Variants in PLAC8 observed in about 807,000 individuals in gnomAD.
PLAC8 encodes the protein placenta-specific gene 8 protein.
In PLAC8, 6 loss-of-function variants were observed where a neutral mutation model predicts 12.6. That is an observed-to-expected ratio of 0.48 (90% CI 0.26 to 0.94). PLAC8 has a LOEUF of 0.94. PLAC8 is among the 40% of genes least tolerant of loss of function. PLAC8 has a pLI of 0.14. For synonymous variants in PLAC8, 54 were observed against 52.6 expected (o/e 1.03, Z -0.11); for missense variants, 122 against 152.7 (o/e 0.80, Z 1.06).
At chr4:83,092,271 GTATT>G (rs751475288) in intron 4 of PLAC8, among the ~76,000 whole-genome samples, 2 of 152,072 alleles carry the variant, frequency 1.3e-5, no homozygotes, top group South Asian at 2.1e-4. Context: ...ATTGTTTCAT[GTATT>G]TATTTAAGTA....
chr4:83,111,342 G>A (rs1460493473), intron 1 of PLAC8, among the ~76,000 whole-genome samples: 1 of 151,874 alleles, frequency 6.6e-6, no homozygotes. Flanking sequence ...GAAACAAAAA[G>A]CAAATCCAGT....
chr4:83,099,777 C>T (rs1352582106), intron 3 of PLAC8, among the ~76,000 whole-genome samples: 1 of 150,628 alleles, frequency 6.6e-6, no homozygotes, highest in Non-Finnish European at 1.5e-5. Flanking sequence ...GCAGGCGGAT[C>T]ACAGGGTCAA....
intron 1 of PLAC8, among the ~76,000 whole-genome samples, chr4:83,108,404 C>T (rs6817600): frequency 0.35 from 53,340 of 151,872 alleles, 9,783 homozygotes; most frequent in Middle Eastern, 0.43. Context: ...ACCAGCCTGG[C>T]CAGTATGGCG....
intron 3 of PLAC8, among the ~76,000 whole-genome samples, chr4:83,103,724 G>A (rs1176101541): frequency 1.3e-5 from 2 of 152,120 alleles, no homozygotes; most frequent in East Asian, 1.9e-4. Flanking sequence ...AGGCTGGAGT[G>A]CTGAGGCGCA....
intron 1 of PLAC8, among the ~76,000 whole-genome samples, chr4:83,108,706 A>G (rs1325595039): frequency 6.6e-6 from 1 of 152,208 alleles, no homozygotes; most frequent in African/African-American, 2.4e-5. Flanking sequence ...GTTTTTAGAC[A>G]GGTACCTGGT....
intron 3 of PLAC8, among the ~76,000 whole-genome samples, chr4:83,101,246 G>C (rs571783472): frequency 6.6e-6 from 1 of 152,162 alleles, no homozygotes; most frequent in Admixed American, 6.6e-5. Flanking sequence ...TGGGTGTGGC[G>C]GCACGGGCCT....
rs551484007 is a variant in PLAC8 at position 83,106,817 on chromosome 4, C to T, written c.118+987G>A. Among the ~76,000 whole-genome samples, 4 of 152,288 alleles carry T rather than the reference C, an allele frequency of 2.6e-5. No homozygotes were observed. The South Asian group carries it at 6.2e-4, about 24-fold the overall frequency. ...ATTGAGAACTAAGCACCTTGCTCCT[C>T]GCTGCAACGCCCATCACACCCCAAA... On this transcript the variant is annotated intron_variant, in intron 2 of 4. Transcript: ENST00000311507.
chr4:83,094,365 T>C (rs1265359053), intron 4 of PLAC8: 5 of 200,784 alleles, frequency 2.5e-5, no homozygotes, highest in Non-Finnish European at 3.0e-5. Context: ...AGGGAACATG[T>C]TTTCTAATTC....
intron 3 of PLAC8, among the ~76,000 whole-genome samples, chr4:83,096,304 C>G (rs778463417): frequency 1.3e-5 from 2 of 152,124 alleles, no homozygotes; most frequent in Non-Finnish European, 2.9e-5. Context: ...ACCTCAGCCT[C>G]CTGAAAAAGA....
At chr4:83,102,368 A>G (rs1266464476) in intron 3 of PLAC8, among the ~76,000 whole-genome samples, 1 of 152,048 alleles carries the variant, frequency 6.6e-6, no homozygotes, top group Non-Finnish European at 1.5e-5. Flanking sequence ...ACCCATCTCT[A>G]CCAAAAAATA....
At chr4:83,092,760 T>C (rs1254137934) in intron 4 of PLAC8, 1 of 152,062 alleles carries the variant, frequency 6.6e-6, no homozygotes, top group African/African-American at 2.4e-5. Flanking sequence ...TCTAGTTTCA[T>C]TAATATTGCT....
chr4:83,104,805 G>T, intron 3 of PLAC8, 91 bp downstream of exon 3: 1 of 1,362,830 alleles, frequency 7.3e-7, no homozygotes, highest in Non-Finnish European at 1.0e-6. Context: ...ATCAATTTCA[G>T]AAGATGTATA....
chr4:83,107,615 G>A (rs539431126), intron 2 of PLAC8, among the ~76,000 whole-genome samples, 189 bp downstream of exon 2: 30 of 64,162 alleles, frequency 4.7e-4, no homozygotes, highest in African/African-American at 5.5e-4. Context: ...TTATCCATAC[G>A]GAGGCTTTTT....
intron 2 of PLAC8, among the ~76,000 whole-genome samples, chr4:83,107,210 C>CAAAAAAAAAAACA (rs1732265501): frequency 9.2e-6 from 1 of 108,380 alleles, no homozygotes; most frequent in Non-Finnish European, 2.0e-5. Context: ...CAAAAACAAA[C>CAAAAAAAAAAACA]AAAAAAAAAA....
intron 3 of PLAC8, among the ~76,000 whole-genome samples, chr4:83,095,677 A>T (rs902912833): frequency 2.0e-5 from 3 of 152,226 alleles, no homozygotes; most frequent in Non-Finnish European, 4.4e-5. Context: ...AATGCCTCTA[A>T]CTAAAAGTCA....
At chr4:83,093,681 T>C (rs1235071091) in intron 4 of PLAC8, 7 of 152,214 alleles carry the variant, frequency 4.6e-5, no homozygotes, top group Admixed American at 4.6e-4. Context: ...GCTTTGTCTA[T>C]AGGCATTAAT....
At chr4:83,113,610 A>G (rs1732471447) in intron 1 of PLAC8, among the ~76,000 whole-genome samples, 1 of 152,184 alleles carries the variant, frequency 6.6e-6, no homozygotes, top group Non-Finnish European at 1.5e-5. Context: ...GTGTGACCAC[A>G]CAGCTGTTTT....
intron 3 of PLAC8, among the ~76,000 whole-genome samples, chr4:83,101,748 A>G (rs1732107006): frequency 6.6e-6 from 1 of 152,242 alleles, no homozygotes; most frequent in Admixed American, 6.5e-5. Flanking sequence ...GTTGAAGCCA[A>G]TGCTCATTTA....
At chr4:83,109,160 T>A (rs1732341114) in intron 1 of PLAC8, among the ~76,000 whole-genome samples, 1 of 152,246 alleles carries the variant, frequency 6.6e-6, no homozygotes, top group African/African-American at 2.4e-5. Flanking sequence ...GCCGTTTAAA[T>A]GTCCACTTGT....
Sources: gnomAD v4.1 joint callset for allele counts (sites outside exome capture counted in the v4.1 genomes callset) on GRCh38, gnomAD v4.1.1 for gene constraint, MANE v1.5 for transcripts, NCBI Gene and HGNC (gene_info 2026-07-23, HGNC 2026-07-21) for gene names.